IER3IP1: variants seen among roughly 807,000 people sequenced by gnomAD.
IER3IP1 encodes the protein immediate early response 3 interacting protein 1.
IER3IP1 carries 16 observed loss-of-function variants against 12.2 expected under a neutral mutation model. The ratio of observed to expected loss-of-function variants is 1.31; its 90% CI spans 0.89 to 1.99. The LOEUF is 1.99. Among genes scored for constraint, IER3IP1 ranks in the 30% most tolerant of loss-of-function variants. IER3IP1 has a pLI of 0.00. For missense variants in IER3IP1, 95 were observed against 95.8 expected, an observed-to-expected ratio of 0.99 and a Z score of 0.03; for synonymous variants, 42 against 40.0, an observed-to-expected ratio of 1.05 and a Z score of -0.19.
At chr18:47,166,440 A>G (rs2063996210) in intron 1 of IER3IP1, among the ~76,000 whole-genome samples, 1 of 152,158 alleles carries the variant, frequency 6.6e-6, no homozygotes, top group South Asian at 2.1e-4. Flanking sequence ...CAGGCTGAGG[A>G]GTTAACCACT....
chr18:47,156,072 C>G lies in IER3IP1; in HGVS notation c.*105G>C, dbSNP rs1282894086. The G allele has an allele frequency of 1.4e-6, 1 of 726,350 alleles. No homozygotes were observed. The highest frequency in any genetic ancestry group is 2.6e-5 in the East Asian group (1 of 38,894). The allele number at this position is 726,350 out of a possible 1,614,324, so 45.0% of individuals were successfully genotyped here. On this transcript the variant is annotated 3_prime_UTR_variant, in exon 3 of 3. Transcript: ENST00000256433. The stretch of plus-strand genomic sequence containing the variant: ...TTTATTTTCAGCTTTACATTTTTGA[C>G]AAGTGCAAGGTCAGCCAGCTAAGAT...
At chr18:47,163,149 C>T (rs1415577461) in intron 1 of IER3IP1, among the ~76,000 whole-genome samples, 2 of 152,064 alleles carry the variant, frequency 1.3e-5, no homozygotes, top group Non-Finnish European at 2.9e-5. Flanking sequence ...ATAAATTAGA[C>T]ATAGTAAGAG....
At chr18:47,162,206 G>A (rs773526809) in intron 1 of IER3IP1, among the ~76,000 whole-genome samples, 10 of 152,024 alleles carry the variant, frequency 6.6e-5, no homozygotes, top group African/African-American at 9.7e-5. Flanking sequence ...GCCAGTTGTC[G>A]GAAGAAAGAC....
intron 1 of IER3IP1, among the ~76,000 whole-genome samples, chr18:47,163,443 C>A (rs2063986100): frequency 6.6e-6 from 1 of 152,158 alleles, no homozygotes. Context: ...TAACAGCCCA[C>A]AATTTAAAGT....
At position 47,174,191 on chromosome 18, in the gene IER3IP1, A is replaced by G. The variant is rs1296557335; in HGVS notation, c.91+1996T>C. On this transcript the variant is annotated intron_variant, in intron 1 of 2. Transcript: ENST00000256433. ...AAGATGACATTTGAATCCTAGCTCC[A>G]CCACTTTCTACTTTCTACCTGTGTG... Among the ~76,000 whole-genome samples, 3 of 152,114 alleles carry G rather than the reference A, an allele frequency of 2.0e-5. 1 individual carries two copies. The South Asian group carries it at 6.2e-4, about 31-fold the overall frequency.
Position 47,152,945 on chromosome 18 carries a change from T to C in IER3IP1, c.*3232A>G, listed in dbSNP as rs2063945598. ...ATATATATATATATCTGGACCAGAC[T>C]TCTGTTCTGAAGGTTATTGACCAAT... On this transcript the variant is annotated 3_prime_UTR_variant, in exon 3 of 3. Coordinates refer to ENST00000256433, the MANE Select transcript of IER3IP1 (RefSeq NM_016097.5). The C allele has an allele frequency of 6.6e-6, 1 of 152,214 alleles. No individual in the cohort carries two copies. The highest frequency in any genetic ancestry group is 1.5e-5 in the Non-Finnish European group (1 of 68,024). The allele number at this position is 152,214 out of a possible 1,614,324, so 9.4% of individuals were successfully genotyped here.
At chr18:47,165,592 T>C (rs1402691463) in intron 1 of IER3IP1, among the ~76,000 whole-genome samples, 1 of 151,972 alleles carries the variant, frequency 6.6e-6, no homozygotes, top group Non-Finnish European at 1.5e-5. Flanking sequence ...GTAAATTATC[T>C]GGTATACTGC....
In IER3IP1 at chr18:47,156,145, C is replaced by G; in HGVS notation, c.*32G>C. On this transcript the variant is annotated 3_prime_UTR_variant, in exon 3 of 3. Coordinates refer to ENST00000256433, the MANE Select transcript of IER3IP1 (RefSeq NM_016097.5). ...AAGTAATAACTTCTACTGGCATGTC[C>G]TCTTCTGAGTCTCCATTTTCTCCAC... 1 of 1,325,416 alleles carries G rather than the reference C, an allele frequency of 7.5e-7. No homozygotes were observed. The highest frequency in any genetic ancestry group is 1.2e-5 in the South Asian group (1 of 84,766). The allele number at this position is 1,325,416 out of a possible 1,614,324, so 82.1% of individuals were successfully genotyped here.
chr18:47,160,947 CATT>C (rs1176025494), intron 1 of IER3IP1, among the ~76,000 whole-genome samples: 2 of 152,152 alleles, frequency 1.3e-5, no homozygotes, highest in African/African-American at 2.4e-5. Context: ...TACTACAAAT[CATT>C]ATTTCTTCAC....
chr18:47,174,714 C>T (rs1218135981), intron 1 of IER3IP1, among the ~76,000 whole-genome samples: 1 of 151,856 alleles, frequency 6.6e-6, no homozygotes, highest in African/African-American at 2.4e-5. Flanking sequence ...GCTTTCCCTT[C>T]CAATCTTTCC....
chr18:47,168,301 C>CAAA (rs35347851), intron 1 of IER3IP1, among the ~76,000 whole-genome samples: 9 of 107,138 alleles, frequency 8.4e-5, no homozygotes, highest in East Asian at 3.5e-4. Context: ...GACTCCATCA[C>CAAA]AAAAAAAAAA....
In IER3IP1 at chr18:47,153,965, C is replaced by G. The variant is rs2063949704; in HGVS notation, c.*2212G>C. The G allele has an allele frequency of 6.6e-6, 1 of 152,140 alleles. No individual in the cohort carries two copies. Among genetic ancestry groups the G allele is most frequent in the African/African-American group, 2.4e-5 (1 of 41,410 alleles). 9.4% of individuals were successfully genotyped at this position (152,140 alleles called of 1,614,324 possible). A position where few individuals can be genotyped will look rare whatever the true frequency, so the allele number is the denominator to read the frequency against. On this transcript the variant is annotated 3_prime_UTR_variant, in exon 3 of 3. Coordinates refer to ENST00000256433, the MANE Select transcript of IER3IP1 (RefSeq NM_016097.5). ...TCAGAATTCCTTTGAAAATCTGGTT[C>G]TGCTGTTAACTATAAAAGTTTGAAA...
chr18:47,162,095 C>A (rs1415655885), intron 1 of IER3IP1, among the ~76,000 whole-genome samples: 1 of 152,100 alleles, frequency 6.6e-6, no homozygotes, highest in Non-Finnish European at 1.5e-5. Flanking sequence ...TGCCACTCAC[C>A]TCCTGCTGGG....
chr18:47,155,531 TAATAA>T lies in IER3IP1; in HGVS notation c.*641_*645del, dbSNP rs1213479246. 2 of 152,130 alleles carry T rather than the reference TAATAA, an allele frequency of 1.3e-5. No homozygotes were observed. The highest frequency in any genetic ancestry group is 4.8e-5 in the African/African-American group (2 of 41,424). 9.4% of individuals were successfully genotyped at this position (152,130 alleles called of 1,614,324 possible). ...GTCTGGTCTCATCATTCAGGCAAAT[TAATAA>T]AATAACAAGTGCATGGAAAGAATGT... On this transcript the variant is annotated 3_prime_UTR_variant, in exon 3 of 3. Transcript: ENST00000256433.
At chr18:47,158,699 G>A (rs1036980245) in intron 1 of IER3IP1, among the ~76,000 whole-genome samples, 4 of 151,404 alleles carry the variant, frequency 2.6e-5, no homozygotes, top group Non-Finnish European at 4.4e-5. Context: ...GGTGACTCAC[G>A]CCTATAATTC....
chr18:47,169,554 C>T (rs150131457), intron 1 of IER3IP1, among the ~76,000 whole-genome samples: 265 of 152,204 alleles, frequency 1.7e-3, no homozygotes, highest in Non-Finnish European at 2.9e-3. Context: ...AATTTCTTCA[C>T]CACCTCACCT....
At chr18:47,175,492 C>T (rs2064029473) in intron 1 of IER3IP1, among the ~76,000 whole-genome samples, 1 of 151,978 alleles carries the variant, frequency 6.6e-6, no homozygotes, top group Admixed American at 6.6e-5. Flanking sequence ...TAGACGGAGT[C>T]TCACTCTATT....
intron 1 of IER3IP1, among the ~76,000 whole-genome samples, chr18:47,175,948 C>G (rs752281935): frequency 6.6e-6 from 1 of 152,112 alleles, no homozygotes; most frequent in Non-Finnish European, 1.5e-5. Context: ...GCGTCCCTGA[C>G]TGACTTCTAT....
intron 1 of IER3IP1, among the ~76,000 whole-genome samples, chr18:47,169,806 T>A (rs900584891): frequency 6.6e-6 from 1 of 152,124 alleles, no homozygotes; most frequent in African/African-American, 2.4e-5. Context: ...TTATTTATCT[T>A]TTATTATTTA....
Sources: gnomAD v4.1 joint callset for allele counts (sites outside exome capture counted in the v4.1 genomes callset) on GRCh38, gnomAD v4.1.1 for gene constraint, MANE v1.5 for transcripts, NCBI Gene and HGNC (gene_info 2026-07-23, HGNC 2026-07-21) for gene names.